Variants in PZP observed in about 807,000 individuals in gnomAD.
PZP encodes the protein pregnancy zone protein.
A neutral mutation model predicts 179.8 loss-of-function variants in PZP; 150 were observed. That is an observed-to-expected ratio of 0.83 (90% CI 0.73 to 0.96). The LOEUF is 0.96. PZP is among the 40% of genes least tolerant of loss of function. The pLI is 0.00. For missense variants in PZP, 1,689 were observed against 1,764.0 expected (o/e 0.96, Z 0.76); for synonymous variants, 624 against 652.3 (o/e 0.96, Z 0.66).
intron 28 of PZP, 93 bp downstream of exon 28, chr12:9,157,082 T>G: frequency 1.6e-6 from 2 of 1,246,964 alleles, no homozygotes; most frequent in South Asian, 2.9e-5. Context: ...GCTCTCCCTC[T>G]CCGCACCTCC....
chr12:9,160,215 A>G, intron 24 of PZP, 99 bp downstream of exon 24: 1 of 1,257,814 alleles, frequency 8.0e-7, no homozygotes, highest in Non-Finnish European at 1.1e-6. Flanking sequence ...GTTTTCATAA[A>G]AATTATCATC....
intron 1 of PZP, 28 bp from the exon 2 acceptor site, chr12:9,203,979 G>T: frequency 6.4e-7 from 1 of 1,566,096 alleles, no homozygotes; most frequent in Non-Finnish European, 8.7e-7. Flanking sequence ...CTAAATTAGA[G>T]AAAAACTGAT....
intron 15 of PZP, among the ~76,000 whole-genome samples, chr12:9,177,156 T>A (rs1160510296): frequency 6.6e-6 from 1 of 152,186 alleles, no homozygotes; most frequent in Non-Finnish European, 1.5e-5. Context: ...GCCAATGGGA[T>A]ATTGTGGAAA....
At chr12:9,142,423 G>C in the PZP span, among the ~76,000 whole-genome samples, 1 of 152,164 alleles carries the variant, frequency 6.6e-6, no homozygotes, top group Non-Finnish European at 1.5e-5. Flanking sequence ...GTATGAAATT[G>C]CTTGATTAAT....
intron 15 of PZP, among the ~76,000 whole-genome samples, chr12:9,176,925 A>G (rs1223787152): frequency 6.6e-6 from 1 of 152,138 alleles, no homozygotes; most frequent in Non-Finnish European, 1.5e-5. Flanking sequence ...CTGTACTTGG[A>G]CCTGATTTAA....
At chr12:9,149,908 T>C (rs1177134300) in intron 34 of PZP, among the ~76,000 whole-genome samples, 1 of 152,222 alleles carries the variant, frequency 6.6e-6, no homozygotes, top group Admixed American at 6.5e-5. Flanking sequence ...CTATTCACTT[T>C]GTTCAGCTTG....
At chr12:9,185,527 A>G (rs1943043935) in intron 13 of PZP, among the ~76,000 whole-genome samples, 1 of 152,244 alleles carries the variant, frequency 6.6e-6, no homozygotes, top group Non-Finnish European at 1.5e-5. Context: ...GATATCATCC[A>G]TGAGAACTTC....
intron 28 of PZP, 28 bp downstream of exon 28, chr12:9,157,147 T>G: frequency 6.2e-7 from 1 of 1,601,326 alleles, no homozygotes; most frequent in Non-Finnish European, 8.5e-7. Flanking sequence ...GTTCTCATTG[T>G]TCAGCTCCCA....
rs775850356 is a variant in PZP at position 9,208,295 on chromosome 12, A to G, written c.47T>C (p.Ile16Thr). The G allele has an allele frequency of 4.3e-6, 7 of 1,613,678 alleles. No individual in the cohort carries two copies. In the African/African-American group the frequency reaches 6.7e-5, roughly 15 times the overall value. ...LLHLCLVLLL[I>T]LLSASDSNST... ...GTTTGAGTCACTGGCAGAAAGCAGG[A>G]TAAGAAGTAGCACAAGACATAAATG... Residue 16 changes from isoleucine to threonine, a missense_variant, in exon 1 of 36, where the codon ATC becomes ACC. Physicochemically the swap from Ile to Thr is moderately conservative, Grantham distance 89 (BLOSUM62 -1). Transcript: ENST00000261336.
intron 13 of PZP, among the ~76,000 whole-genome samples, chr12:9,188,667 T>C (rs1943273661): frequency 6.6e-6 from 1 of 152,152 alleles, no homozygotes; most frequent in Admixed American, 6.5e-5. Flanking sequence ...AAAATGATGT[T>C]AGCAAAATTT....
chr12:9,174,821 C>A (rs1167058007), intron 15 of PZP, among the ~76,000 whole-genome samples: 1 of 152,170 alleles, frequency 6.6e-6, no homozygotes, highest in Admixed American at 6.5e-5. Context: ...AGGACACAAA[C>A]AAATGGAGAA....
chr12:9,164,282 G>C, intron 19 of PZP, 23 bp from the exon 20 acceptor site: 1 of 1,609,396 alleles, frequency 6.2e-7, no homozygotes, highest in Non-Finnish European at 8.5e-7. Context: ...GTGAGGCAGA[G>C]ACAGAAATGA....
At chr12:9,152,391 CCTGT>C (rs1272075951) in intron 31 of PZP, 81 bp from the exon 32 acceptor site, 5 of 1,017,072 alleles carry the variant, frequency 4.9e-6, no homozygotes, top group African/African-American at 4.8e-5. Context: ...TCACTTTAAG[CCTGT>C]CTGTCTTCAA....
intron 2 of PZP, among the ~76,000 whole-genome samples, chr12:9,202,991 G>T (rs2121229095): frequency 6.6e-6 from 1 of 152,300 alleles, no homozygotes; most frequent in African/African-American, 2.4e-5. Flanking sequence ...AAAAATATGG[G>T]AGAGCATAGG....
At chr12:9,180,373 G>T (rs1411887549) in intron 15 of PZP, among the ~76,000 whole-genome samples, 1 of 152,138 alleles carries the variant, frequency 6.6e-6, no homozygotes, top group Non-Finnish European at 1.5e-5. Context: ...CAAAGCTGGA[G>T]GCATCACACT....
downstream of PZP, among the ~76,000 whole-genome samples, chr12:9,145,272 T>C (rs915803740): frequency 7.9e-5 from 12 of 152,200 alleles, no homozygotes; most frequent in African/African-American, 2.9e-4. Flanking sequence ...CTGTCTTCCT[T>C]GTGTTTTATT....
Position 9,203,840 on chromosome 12 carries a change from A to C in PZP, c.195T>G (p.Ser65=). The C allele has an allele frequency of 6.2e-7, 1 of 1,614,142 alleles. No individual in the cohort carries two copies. Among genetic ancestry groups the C allele is most frequent in the Middle Eastern group, 1.7e-4 (1 of 6,060 alleles). ...TGAAGAGGCTCCTGTTTTCCCTGCC[A>C]GACTCCAAGGAAGCACTTACAGTCA... The part of the protein sequence containing the change: ...ETVTVSASLE[S]GRENRSLFTD... Residue 65 remains serine (S), a synonymous_variant, in exon 2 of 36, where the codon TCT becomes TCG. Coordinates refer to ENST00000261336, the MANE Select transcript of PZP (RefSeq NM_002864.3).
downstream of PZP, among the ~76,000 whole-genome samples, chr12:9,148,471 TA>T (rs1295638004): frequency 3.9e-5 from 6 of 152,172 alleles, no homozygotes; most frequent in Non-Finnish European, 7.4e-5. Context: ...TTTATTTTTT[TA>T]ATCCATATAA....
At chr12:9,194,025 C>A in intron 11 of PZP, 52 bp downstream of exon 11, 1 of 1,511,238 alleles carries the variant, frequency 6.6e-7, no homozygotes, top group South Asian at 1.2e-5. Flanking sequence ...CTGAATATAT[C>A]ACTGTTCCTA....
Sources: allele counts gnomAD v4.1 joint callset (sites outside exome capture counted in the v4.1 genomes callset), GRCh38; gene constraint gnomAD v4.1.1; transcripts MANE v1.5; gene names NCBI Gene and HGNC (gene_info 2026-07-23, HGNC 2026-07-21).